The following RNF220 variants were observed in gnomAD, a reference collection of about 807,000 sequenced individuals.
RNF220 encodes the protein ring finger protein 220.
In RNF220, 7 loss-of-function variants were observed where a neutral mutation model predicts 67.1. That is an observed-to-expected ratio of 0.10 (90% confidence interval 0.06 to 0.20). The LOEUF is 0.20. Among genes scored for constraint, RNF220 ranks in the 10% least tolerant of loss-of-function variants. The pLI, the probability that RNF220 is intolerant of heterozygous loss-of-function variation, is 1.00. For synonymous variants in RNF220, 270 were observed against 283.2 expected, an observed-to-expected ratio of 0.95 and a Z score of 0.47; for missense variants, 565 against 740.3, an observed-to-expected ratio of 0.76 and a Z score of 2.75.
intron 2 of RNF220, among the ~76,000 whole-genome samples, chr1:44,552,421 C>T (rs960143058): frequency 4.0e-5 from 6 of 151,666 alleles, no homozygotes; most frequent in African/African-American, 1.2e-4. Context: ...GTAGGAGCCT[C>T]GGAGGTCAAG....
chr1:44,532,670 G>A (rs1413817783), intron 2 of RNF220, among the ~76,000 whole-genome samples: 1 of 152,198 alleles, frequency 6.6e-6, no homozygotes, highest in African/African-American at 2.4e-5. Context: ...TTTCAAAGGG[G>A]AAGGAGGAGC....
intron 2 of RNF220, among the ~76,000 whole-genome samples, chr1:44,501,018 G>A (rs1657803368): frequency 7.1e-6 from 1 of 140,880 alleles, no homozygotes. Context: ...GCGGGACCCA[G>A]CACAAGGCCT....
intron 2 of RNF220, among the ~76,000 whole-genome samples, chr1:44,440,463 A>C (rs1037669797): frequency 4.6e-5 from 7 of 152,260 alleles, no homozygotes; most frequent in African/African-American, 1.7e-4. Flanking sequence ...GTTCCTAGCC[A>C]GTTGCTATTA....
intron 2 of RNF220, among the ~76,000 whole-genome samples, chr1:44,513,254 A>G (rs568798617): frequency 6.6e-6 from 1 of 152,294 alleles, no homozygotes; most frequent in South Asian, 2.1e-4. Context: ...AATGGAAATA[A>G]CTTACCCAAA....
intron 2 of RNF220, among the ~76,000 whole-genome samples, chr1:44,449,738 G>C (rs1452771645): frequency 6.6e-6 from 1 of 152,122 alleles, no homozygotes; most frequent in Non-Finnish European, 1.5e-5. Flanking sequence ...TTTTCTCTCA[G>C]ATTATGATTC....
intron 2 of RNF220, among the ~76,000 whole-genome samples, chr1:44,431,949 G>A (rs1650427128): frequency 6.6e-6 from 1 of 152,234 alleles, no homozygotes; most frequent in African/African-American, 2.4e-5. Flanking sequence ...GTAGTAGAAA[G>A]GGAGATCTCT....
intron 2 of RNF220, among the ~76,000 whole-genome samples, chr1:44,465,580 A>G (rs1654203606): frequency 6.6e-6 from 1 of 151,872 alleles, no homozygotes; most frequent in Non-Finnish European, 1.5e-5. Context: ...GCAATATGCC[A>G]TTTTTTACCT....
At chr1:44,510,695 G>T (rs1169949482) in intron 2 of RNF220, among the ~76,000 whole-genome samples, 1 of 152,108 alleles carries the variant, frequency 6.6e-6, no homozygotes, top group Non-Finnish European at 1.5e-5. Context: ...GTTTCTAGTG[G>T]CACGATGAGG....
intron 6 of RNF220, chr1:44,632,807 A>G: frequency 5.2e-6 from 1 of 192,432 alleles, no homozygotes; most frequent in Admixed American, 5.3e-5. Context: ...GAGACTTGAC[A>G]ATACAGTGAG....
chr1:44,586,197 A>G (rs1421562859), intron 2 of RNF220, among the ~76,000 whole-genome samples: 2 of 152,156 alleles, frequency 1.3e-5, no homozygotes, highest in African/African-American at 4.8e-5. Context: ...CTGACTTAAC[A>G]TGTTTCACTG....
intron 2 of RNF220, among the ~76,000 whole-genome samples, chr1:44,425,989 G>T (rs949523488): frequency 2.0e-5 from 3 of 152,278 alleles, no homozygotes; most frequent in African/African-American, 7.2e-5. Context: ...TTTTCTAGGT[G>T]TTTTGGGGCA....
At chr1:44,426,487 G>C (rs539081727) in intron 2 of RNF220, among the ~76,000 whole-genome samples, 1 of 152,320 alleles carries the variant, frequency 6.6e-6, no homozygotes, top group African/African-American at 2.4e-5. Context: ...AGCACTTTGG[G>C]AGGCTGACGC....
chr1:44,533,369 G>A (rs542661395), intron 2 of RNF220, among the ~76,000 whole-genome samples: 49 of 152,248 alleles, frequency 3.2e-4, no homozygotes, highest in African/African-American at 1.2e-3. Context: ...GTGCATGCCT[G>A]TAGTCCTAGC....
At chr1:44,597,817 C>A (rs1216189802) in intron 2 of RNF220, among the ~76,000 whole-genome samples, 1 of 152,102 alleles carries the variant, frequency 6.6e-6, no homozygotes, top group African/African-American at 2.4e-5. Context: ...CTCTCATGTA[C>A]ACGCCTCCTC....
At chr1:44,623,900 T>C (rs1490342796) in intron 4 of RNF220, among the ~76,000 whole-genome samples, 1 of 152,248 alleles carries the variant, frequency 6.6e-6, no homozygotes, top group African/African-American at 2.4e-5. Flanking sequence ...GGGCCCGTTG[T>C]ATTTAGAAGT....
rs917614129 is a variant in RNF220, at chr1:44,600,756, G to A, written c.626-13409G>A. On this transcript the variant is annotated intron_variant, in intron 2 of 14. Transcript: ENST00000361799. The surrounding 1 kb of genome is among the most constrained non-coding windows in gnomAD (Gnocchi z 4.0). Reference sequence around the variant, plus strand: ...GAATCACTTGAACCCGGGAGGCAGAGGTTGCAGTGAGCTGAGATAGCGCCA... The same window carrying A: ...GAATCACTTGAACCCGGGAGGCAGAAGTTGCAGTGAGCTGAGATAGCGCCA... Among the ~76,000 whole-genome samples, 5 of 152,066 alleles carry A rather than the reference G, an allele frequency of 3.3e-5. No individual in the cohort carries two copies. Among genetic ancestry groups the A allele is most frequent in the Non-Finnish European group, 7.4e-5 (5 of 68,016 alleles).
chr1:44,595,185 A>G (rs1349202511), intron 2 of RNF220, among the ~76,000 whole-genome samples: 2 of 152,224 alleles, frequency 1.3e-5, no homozygotes, highest in East Asian at 3.8e-4. Context: ...AGAAAGTGTG[A>G]GAAGCCTGGT....
chr1:44,543,138 C>T (rs1168779618), intron 2 of RNF220, among the ~76,000 whole-genome samples: 1 of 152,092 alleles, frequency 6.6e-6, no homozygotes, highest in East Asian at 1.9e-4. Context: ...GTGAGCTTTC[C>T]GGAGGGATGG....
chr1:44,630,779 G>A (rs943567258), intron 5 of RNF220, among the ~76,000 whole-genome samples: 1 of 152,236 alleles, frequency 6.6e-6, no homozygotes, highest in Non-Finnish European at 1.5e-5. Context: ...TGCTCAAAGA[G>A]CTAGTTAGCT....
Sources: allele counts gnomAD v4.1 joint callset (sites outside exome capture counted in the v4.1 genomes callset), GRCh38; gene constraint gnomAD v4.1.1; non-coding constraint Gnocchi (gnomAD v3.1); transcripts MANE v1.5; gene names NCBI Gene and HGNC (gene_info 2026-07-23, HGNC 2026-07-21).